The following PPP2R3A variants were observed in gnomAD, a reference collection of about 807,000 sequenced individuals.
The protein encoded by PPP2R3A is protein phosphatase 2 regulatory subunit B''alpha, also known as serine/threonine-protein phosphatase 2A regulatory subunit B'' subunit alpha.
PPP2R3A carries 80 observed loss-of-function variants against 106.9 expected under a neutral mutation model. That is an observed-to-expected ratio of 0.75 (90% CI 0.62 to 0.90). PPP2R3A has a LOEUF of 0.90. Ranked by LOEUF, PPP2R3A falls within the 40% of genes least tolerant of loss-of-function variation. PPP2R3A has a pLI of 0.00. For synonymous variants in PPP2R3A, 483 were observed against 468.3 expected (o/e 1.03, Z -0.41); for missense variants, 1,386 against 1,350.4 (o/e 1.03, Z -0.41).
chr3:136,007,599 T>G (rs1933894458), intron 2 of PPP2R3A, among the ~76,000 whole-genome samples: 1 of 151,066 alleles, frequency 6.6e-6, no homozygotes, highest in Non-Finnish European at 1.5e-5. Flanking sequence ...TACTTTATTG[T>G]GGGGGCAGAA....
At chr3:136,035,683 T>C (rs1935061129) in intron 3 of PPP2R3A, among the ~76,000 whole-genome samples, 1 of 152,204 alleles carries the variant, frequency 6.6e-6, no homozygotes, top group Non-Finnish European at 1.5e-5. Context: ...AACTTTAGAT[T>C]ACCTGATGAG....
rs914992005 is a variant in PPP2R3A, at chr3:136,147,537, A to G, written c.*2371A>G. 2.0e-5 allele frequency: 3 copies of G among 152,654 alleles called. No individual in the cohort carries two copies. The highest frequency in any genetic ancestry group is 4.4e-5 in the Non-Finnish European group (3 of 68,040). The allele number at this position is 152,654 out of a possible 1,614,324, so 9.5% of individuals were successfully genotyped here. ...GAATTCTGAGGAATTAAGGTAGAATATATTTGACTTTCTGGTAAAGATCAT... is the reference window on the plus strand; with the variant it reads ...GAATTCTGAGGAATTAAGGTAGAATGTATTTGACTTTCTGGTAAAGATCAT... On this transcript the variant is annotated 3_prime_UTR_variant, in exon 14 of 14. Transcript: ENST00000264977.
At chr3:136,105,908 C>T (rs1423843496) in intron 12 of PPP2R3A, among the ~76,000 whole-genome samples, 5 of 151,456 alleles carry the variant, frequency 3.3e-5, no homozygotes, top group South Asian at 2.1e-4. Context: ...TGCAGTGAGC[C>T]GAGATCGTGC....
chr3:136,087,232 G>A (rs1399661144), intron 8 of PPP2R3A, among the ~76,000 whole-genome samples: 1 of 108,314 alleles, frequency 9.2e-6, no homozygotes, highest in Non-Finnish European at 1.9e-5. Flanking sequence ...TGAAAGAACA[G>A]GTCTCTAGTC....
At chr3:136,027,262 A>G (rs1934700739) in intron 3 of PPP2R3A, among the ~76,000 whole-genome samples, 164 bp downstream of exon 3, 1 of 151,902 alleles carries the variant, frequency 6.6e-6, no homozygotes, top group Non-Finnish European at 1.5e-5. Flanking sequence ...CTTCCATTTC[A>G]ACCTCCTATT....
At chr3:136,132,475 A>G (rs74589686) in intron 13 of PPP2R3A, among the ~76,000 whole-genome samples, 4 of 152,264 alleles carry the variant, frequency 2.6e-5, no homozygotes, top group East Asian at 1.9e-4. Flanking sequence ...TATACTAGCA[A>G]TGAGCCCCTC....
At chr3:136,082,983 C>T (rs1180266162) in intron 8 of PPP2R3A, among the ~76,000 whole-genome samples, 1 of 152,118 alleles carries the variant, frequency 6.6e-6, no homozygotes, top group Admixed American at 6.6e-5. Flanking sequence ...TTTTTGCCAG[C>T]GGTAAATCTA....
At chr3:136,127,986 C>A (rs1427539407) in intron 13 of PPP2R3A, among the ~76,000 whole-genome samples, 1 of 152,174 alleles carries the variant, frequency 6.6e-6, no homozygotes, top group Non-Finnish European at 1.5e-5. Flanking sequence ...CACCACCAGG[C>A]CTGCCTTATA....
At chr3:136,056,513 C>A (rs1935866476) in intron 5 of PPP2R3A, among the ~76,000 whole-genome samples, 1 of 151,472 alleles carries the variant, frequency 6.6e-6, no homozygotes. Flanking sequence ...TTAAAAAGTA[C>A]TATATTAAGG....
chr3:135,967,144 T>G (rs1341131190), intron 1 of PPP2R3A, among the ~76,000 whole-genome samples: 1 of 152,166 alleles, frequency 6.6e-6, no homozygotes, highest in Non-Finnish European at 1.5e-5. Context: ...TTTTATCACC[T>G]CTGGCAGAAG....
intron 10 of PPP2R3A, among the ~76,000 whole-genome samples, chr3:136,096,638 T>C (rs571563264): frequency 5.1e-4 from 77 of 152,374 alleles, no homozygotes; most frequent in Middle Eastern, 3.4e-3. Context: ...TTCACAGTAG[T>C]AAATAATAAA....
chr3:136,027,874 G>A (rs571728961), intron 3 of PPP2R3A, among the ~76,000 whole-genome samples: 1 of 152,326 alleles, frequency 6.6e-6, no homozygotes, highest in South Asian at 2.1e-4. Flanking sequence ...CTGCATGGAG[G>A]CAAGTAGGAG....
At chr3:136,023,056 T>G (rs1468616261) in intron 2 of PPP2R3A, 1 of 1,612,492 alleles carries the variant, frequency 6.2e-7, no homozygotes, top group East Asian at 2.2e-5. Context: ...GAAGTAAACA[T>G]TTACTTTTCA....
At chr3:136,023,711 GTA>G (rs1359414859) in intron 2 of PPP2R3A, among the ~76,000 whole-genome samples, 2 of 151,488 alleles carry the variant, frequency 1.3e-5, no homozygotes, top group Non-Finnish European at 2.9e-5. Context: ...AGACAATTGT[GTA>G]TGTGTGTGTC....
At chr3:136,116,181 C>G (rs904231522) in intron 13 of PPP2R3A, among the ~76,000 whole-genome samples, 2 of 152,160 alleles carry the variant, frequency 1.3e-5, no homozygotes, top group Non-Finnish European at 2.9e-5. Flanking sequence ...CCTTTACAGA[C>G]AAGCAAATGC....
intron 2 of PPP2R3A, among the ~76,000 whole-genome samples, chr3:136,004,141 A>G (rs1933758103): frequency 6.6e-6 from 1 of 152,256 alleles, no homozygotes; most frequent in African/African-American, 2.4e-5. Flanking sequence ...GAGAATAAAT[A>G]TCAATCTAGA....
At chr3:136,123,515 A>G (rs2108004355) in intron 13 of PPP2R3A, among the ~76,000 whole-genome samples, 1 of 152,310 alleles carries the variant, frequency 6.6e-6, no homozygotes, top group Admixed American at 6.5e-5. Flanking sequence ...AAGTGACAAA[A>G]TTCTGCATCA....
chr3:136,008,707 G>C (rs991372266), intron 2 of PPP2R3A, among the ~76,000 whole-genome samples: 1 of 152,062 alleles, frequency 6.6e-6, no homozygotes, highest in African/African-American at 2.4e-5. Context: ...TATTATTCAT[G>C]TTCCTCCAGA....
intron 5 of PPP2R3A, among the ~76,000 whole-genome samples, chr3:136,050,466 A>G (rs570317357): frequency 1.0e-3 from 152 of 152,236 alleles, no homozygotes; most frequent in African/African-American, 3.5e-3. Flanking sequence ...GTACCAAAGC[A>G]TTAGGGTTGG....
Sources: allele counts gnomAD v4.1 joint callset (sites outside exome capture counted in the v4.1 genomes callset), GRCh38; gene constraint gnomAD v4.1.1; transcripts MANE v1.5; gene names NCBI Gene and HGNC (gene_info 2026-07-23, HGNC 2026-07-21).